RERG: variants seen among roughly 807,000 people sequenced by gnomAD.
The protein encoded by RERG is ras-related and estrogen-regulated growth inhibitor.
RERG carries 25 observed loss-of-function variants against 23.2 expected under a neutral mutation model. The ratio of observed to expected loss-of-function variants is 1.08; its 90% CI spans 0.79 to 1.50. The LOEUF (loss-of-function observed/expected upper bound fraction) is 1.50, where lower values mean the gene tolerates loss of function less well. Among genes scored for constraint, RERG ranks in the 40% most tolerant of loss-of-function variants. RERG has a pLI of 0.00. For synonymous variants in RERG, 81 were observed against 89.1 expected (o/e 0.91, Z 0.51); for missense variants, 253 against 250.1 (o/e 1.01, Z -0.08).
chr12:15,142,616 A>G (rs1466659675), intron 2 of RERG, among the ~76,000 whole-genome samples: 1 of 152,150 alleles, frequency 6.6e-6, no homozygotes, highest in Admixed American at 6.5e-5. Flanking sequence ...CGACTTATCA[A>G]TTGGCCTCTT....
Position 15,192,987 on chromosome 12 carries a change from G to T in RERG, c.61+24442C>A, listed in dbSNP as rs973535622. On this transcript the variant is annotated intron_variant, in intron 2 of 4. Transcript: ENST00000256953. Reference sequence around the variant, plus strand: ...AGTATTGCTTAACATAGTGTCTGCCGGATTTTTTTCACCATAAAGTTACCA... The same window carrying T: ...AGTATTGCTTAACATAGTGTCTGCCTGATTTTTTTCACCATAAAGTTACCA... Among the ~76,000 whole-genome samples, 3 of 151,990 alleles carry T rather than the reference G, an allele frequency of 2.0e-5. No individual in the cohort carries two copies. The South Asian group carries it at 6.2e-4, about 32-fold the overall frequency.
chr12:15,211,321 AC>A (rs1865363429), intron 2 of RERG, among the ~76,000 whole-genome samples: 1 of 151,496 alleles, frequency 6.6e-6, no homozygotes, highest in South Asian at 2.1e-4. Context: ...ACACACACAC[AC>A]ACACACTATG....
In RERG at chr12:15,135,337, G is replaced by C. The variant is rs577181268; in HGVS notation, c.62-14218C>G. 7.3e-4 allele frequency among the ~76,000 whole-genome samples: 111 copies of C among 152,146 alleles called. 3 individuals are homozygous for C. The South Asian group carries it at 0.022, about 30-fold the overall frequency. On this transcript the variant is annotated intron_variant, in intron 2 of 4. Coordinates refer to ENST00000256953, the MANE Select transcript of RERG (RefSeq NM_032918.3). ...CTATTCCTTTAAAATTTTCTACATA[G>C]ACGATCACATAATTTGTGAACAAAG...
chr12:15,218,751 T>C (rs1865477640), intron 1 of RERG, among the ~76,000 whole-genome samples: 1 of 151,974 alleles, frequency 6.6e-6, no homozygotes, highest in Non-Finnish European at 1.5e-5. Context: ...TAGGCTTCTT[T>C]TTTCTAGGAA....
chr12:15,178,231 A>G (rs978439160), intron 2 of RERG, among the ~76,000 whole-genome samples: 4 of 152,128 alleles, frequency 2.6e-5, no homozygotes, highest in African/African-American at 9.7e-5. Context: ...ATGGCTAACT[A>G]TATTCTTCTT....
intron 2 of RERG, among the ~76,000 whole-genome samples, chr12:15,146,157 T>C (rs1864329163): frequency 6.6e-6 from 1 of 152,210 alleles, no homozygotes; most frequent in South Asian, 2.1e-4. Context: ...ACAAGACTGT[T>C]GTGATTATCA....
At chr12:15,153,069 A>C (rs974115467) in intron 2 of RERG, among the ~76,000 whole-genome samples, 6 of 152,182 alleles carry the variant, frequency 3.9e-5, no homozygotes, top group Non-Finnish European at 8.8e-5. Context: ...TCACATATTT[A>C]CACTTAGCAG....
intron 2 of RERG, among the ~76,000 whole-genome samples, chr12:15,195,077 T>C (rs1418307315): frequency 6.6e-6 from 1 of 152,156 alleles, no homozygotes; most frequent in East Asian, 1.9e-4. Context: ...GCTTGTCAAA[T>C]TAATGCTTGC....
chr12:15,172,964 T>C (rs1018735177), intron 2 of RERG, among the ~76,000 whole-genome samples: 1 of 152,202 alleles, frequency 6.6e-6, no homozygotes, highest in Admixed American at 6.5e-5. Flanking sequence ...CTTTAATGCA[T>C]AAAAAGTTTC....
chr12:15,160,098 G>A (rs1864581915), intron 2 of RERG, among the ~76,000 whole-genome samples: 1 of 151,968 alleles, frequency 6.6e-6, no homozygotes, highest in African/African-American at 2.4e-5. Flanking sequence ...CATTATAATG[G>A]CTAAGTACAG....
intron 3 of RERG, among the ~76,000 whole-genome samples, chr12:15,117,675 G>GCA (rs3084648): frequency 0.1 from 14,792 of 144,756 alleles, 872 homozygotes; most frequent in Non-Finnish European, 0.14. Flanking sequence ...TCACACACGC[G>GCA]CACACACACA....
At chr12:15,203,831 TA>T (rs1373600575) in intron 2 of RERG, among the ~76,000 whole-genome samples, 4 of 151,538 alleles carry the variant, frequency 2.6e-5, no homozygotes, top group South Asian at 2.1e-4. Context: ...TCAAAAAGAA[TA>T]AAAAACTTGG....
intron 3 of RERG, among the ~76,000 whole-genome samples, chr12:15,117,675 G>GCGCGCGCA (rs1555119493): frequency 5.5e-5 from 8 of 145,020 alleles, no homozygotes; most frequent in Admixed American, 3.3e-4. Flanking sequence ...TCACACACGC[G>GCGCGCGCA]CACACACACA....
At chr12:15,142,714 G>A (rs183630672) in intron 2 of RERG, among the ~76,000 whole-genome samples, 2 of 152,204 alleles carry the variant, frequency 1.3e-5, no homozygotes, top group Admixed American at 6.5e-5. Context: ...GGGGGGGTAG[G>A]AGAGAAGAAA....
At chr12:15,140,326 C>G (rs1864216079) in intron 2 of RERG, among the ~76,000 whole-genome samples, 1 of 152,164 alleles carries the variant, frequency 6.6e-6, no homozygotes, top group Non-Finnish European at 1.5e-5. Context: ...CTCACAGATA[C>G]TCCCAACTCT....
In RERG at chr12:15,108,968, AC is replaced by A; in HGVS notation, c.*141del. The A allele has an allele frequency of 1.2e-6, 1 of 850,334 alleles. No individual in the cohort carries two copies. Among genetic ancestry groups the A allele is most frequent in the Non-Finnish European group, 1.8e-6 (1 of 550,786 alleles). The allele number at this position is 850,334 out of a possible 1,614,324, so 52.7% of individuals were successfully genotyped here. ...GCATAAAACACGCTAAAACTTCCCA[AC>A]CTATTAGAGGCCAGAAACAATGGGA... On this transcript the variant is annotated 3_prime_UTR_variant, in exon 5 of 5. Coordinates refer to ENST00000256953, the MANE Select transcript of RERG (RefSeq NM_032918.3).
intron 2 of RERG, among the ~76,000 whole-genome samples, chr12:15,181,261 T>G (rs1864919555): frequency 6.6e-6 from 1 of 152,220 alleles, no homozygotes; most frequent in South Asian, 2.1e-4. Flanking sequence ...CAAGCTAGTC[T>G]TCTTCATCTT....
chr12:15,206,739 G>T (rs1267718120), intron 2 of RERG, among the ~76,000 whole-genome samples: 1 of 152,134 alleles, frequency 6.6e-6, no homozygotes, highest in Non-Finnish European at 1.5e-5. Flanking sequence ...TGCAGCAGCA[G>T]TGCTAAATCA....
chr12:15,149,563 T>C (rs546737294), intron 2 of RERG, among the ~76,000 whole-genome samples: 1 of 152,276 alleles, frequency 6.6e-6, no homozygotes, highest in Non-Finnish European at 1.5e-5. Context: ...ATGTGACCTG[T>C]GTTGCATACT....
Sources: gnomAD v4.1 joint callset for allele counts (sites outside exome capture counted in the v4.1 genomes callset) on GRCh38, gnomAD v4.1.1 for gene constraint, MANE v1.5 for transcripts, NCBI Gene and HGNC (gene_info 2026-07-23, HGNC 2026-07-21) for gene names.